Variants in SPAG17 observed in about 807,000 individuals in gnomAD.
The protein encoded by SPAG17 is sperm associated antigen 17, also known as sperm-associated antigen 17.
Under a neutral mutation model 273.6 loss-of-function variants are expected in SPAG17, and 169 were observed. The observed-to-expected ratio is 0.62, with a 90% CI of 0.55 to 0.70. The LOEUF (loss-of-function observed/expected upper bound fraction) is 0.70, where lower values mean the gene tolerates loss of function less well. Among genes scored for constraint, SPAG17 ranks in the 30% least tolerant of loss-of-function variants. The pLI is 0.00. For synonymous variants in SPAG17, 825 were observed against 873.2 expected (o/e 0.94, Z 0.97); for missense variants, 2,557 against 2,627.8 (o/e 0.97, Z 0.59).
intron 8 of SPAG17, among the ~76,000 whole-genome samples, chr1:118,092,474 T>C (rs1219601517): frequency 6.6e-6 from 1 of 152,238 alleles, no homozygotes; most frequent in African/African-American, 2.4e-5. Context: ...CTGGGATCAC[T>C]GAACTACCCT....
Position 117,963,831 on chromosome 1 carries a change from C to T in SPAG17, c.6640G>A (p.Val2214Ile), listed in dbSNP as rs756513077. Residue 2214 changes from valine (V) to isoleucine (I), a missense_variant, in exon 48 of 49, where the codon GTC (valine) becomes ATC (isoleucine). By Grantham distance (29) the Val-to-Ile change is conservative (BLOSUM62 3). Coordinates refer to ENST00000336338, the MANE Select transcript of SPAG17 (RefSeq NM_206996.4). The stretch of plus-strand genomic sequence containing the variant: ...GGAGAAACTTTACGAGACATGAAGA[C>T]TCCAAGTGTGGAGGAATAAATTGTA... The part of the protein sequence containing the change: ...TSTIYSSTLG[V>I]FMSRKVSPH 4 of 1,613,684 alleles carry T rather than the reference C, an allele frequency of 2.5e-6. No homozygotes were observed. The African/African-American group carries it at 4.0e-5, about 16-fold the overall frequency.
intron 3 of SPAG17, among the ~76,000 whole-genome samples, chr1:118,149,741 TAAAGTGCAAACAAGTTCGTCTTAG>T (rs1659269832): frequency 6.6e-6 from 1 of 152,194 alleles, no homozygotes; most frequent in African/African-American, 2.4e-5. Flanking sequence ...ATCACTGAAA[TAAAGTGCAAACAAGTTCGTCTTAG>T]AAAGATTCAA....
chr1:118,056,049 T>C, intron 18 of SPAG17, 135 bp from the exon 19 acceptor site: 1 of 631,346 alleles, frequency 1.6e-6, no homozygotes, highest in Non-Finnish European at 2.6e-6. Flanking sequence ...ATGTATTTTG[T>C]ACAAAATAGT....
intron 4 of SPAG17, among the ~76,000 whole-genome samples, chr1:118,109,148 CT>C (rs967820986): frequency 8.0e-4 from 116 of 144,282 alleles, no homozygotes; most frequent in Admixed American, 8.3e-4. Flanking sequence ...TCATCTTATT[CT>C]TTTTTTTTTT....
At chr1:118,024,547 G>A (rs1647509368) in intron 27 of SPAG17, among the ~76,000 whole-genome samples, 1 of 151,730 alleles carries the variant, frequency 6.6e-6, no homozygotes, top group Admixed American at 6.6e-5. Flanking sequence ...TGATTCTTGA[G>A]TGCATGGTCA....
At chr1:117,979,105 G>A (rs1270050049) in intron 43 of SPAG17, among the ~76,000 whole-genome samples, 4 of 152,030 alleles carry the variant, frequency 2.6e-5, no homozygotes, top group Admixed American at 6.6e-5. Flanking sequence ...TTGACCTCAG[G>A]TGATCCACCC....
At chr1:118,043,839 C>A (rs1004698544) in intron 20 of SPAG17, among the ~76,000 whole-genome samples, 1 of 152,166 alleles carries the variant, frequency 6.6e-6, no homozygotes, top group African/African-American at 2.4e-5. Context: ...AAAAAAGTTG[C>A]TAATGTTATT....
intron 17 of SPAG17, 37 bp from the exon 18 acceptor site, chr1:118,066,936 T>C: frequency 6.4e-7 from 1 of 1,572,054 alleles, no homozygotes; most frequent in Non-Finnish European, 8.6e-7. Context: ...GAATCTTTTT[T>C]ATTTTCCCCA....
intron 23 of SPAG17, 119 bp downstream of exon 23, chr1:118,039,173 G>C (rs1210268790): frequency 2.8e-6 from 3 of 1,060,018 alleles, no homozygotes; most frequent in African/African-American, 3.2e-5. Context: ...ATTAATAAGA[G>C]AGTGTACTGG....
At chr1:118,005,352 A>G in intron 32 of SPAG17, 62 bp downstream of exon 32, 1 of 1,359,750 alleles carries the variant, frequency 7.4e-7, no homozygotes. Flanking sequence ...GAAGCTTTGT[A>G]GTGTGAAATA....
At chr1:118,130,595 C>T (rs1658006142) in intron 3 of SPAG17, among the ~76,000 whole-genome samples, 1 of 152,122 alleles carries the variant, frequency 6.6e-6, no homozygotes, top group Non-Finnish European at 1.5e-5. Context: ...TAGTTAACTC[C>T]ATCCCCAACC....
chr1:118,028,733 A>G (rs1201120888), intron 25 of SPAG17, among the ~76,000 whole-genome samples: 1 of 152,180 alleles, frequency 6.6e-6, no homozygotes. Context: ...ATGTAGGCAT[A>G]AGGGCAGTGC....
intron 25 of SPAG17, among the ~76,000 whole-genome samples, chr1:118,031,076 C>T (rs556123587): frequency 6.6e-6 from 1 of 151,608 alleles, no homozygotes; most frequent in Admixed American, 6.6e-5. Flanking sequence ...AAAGCAGAAC[C>T]ATCTTTTGAT....
chr1:118,149,297 G>A (rs1659243811), intron 3 of SPAG17, among the ~76,000 whole-genome samples: 1 of 152,158 alleles, frequency 6.6e-6, no homozygotes, highest in Non-Finnish European at 1.5e-5. Context: ...CCACATCCAA[G>A]TCAGAATGCC....
At chr1:118,020,396 T>G (rs1333687092) in intron 28 of SPAG17, among the ~76,000 whole-genome samples, 1 of 150,850 alleles carries the variant, frequency 6.6e-6, no homozygotes, top group African/African-American at 2.4e-5. Context: ...ATCACGCCAT[T>G]GGCACTCCAG....
intron 46 of SPAG17, among the ~76,000 whole-genome samples, chr1:117,967,445 T>C (rs1396494586): frequency 1.3e-5 from 2 of 152,006 alleles, no homozygotes; most frequent in Non-Finnish European, 2.9e-5. Context: ...ACACAAAATA[T>C]ACTAACAATA....
rs557828629 is a variant in SPAG17, at chr1:118,079,875, G to A, written c.2209+1226C>T. 2.0e-5 allele frequency among the ~76,000 whole-genome samples: 3 copies of A among 151,846 alleles called. No homozygotes were observed. In the East Asian group the frequency reaches 5.8e-4, roughly 29 times the overall value. ...TTTCCTTGACCTAGGTGTTAAATTTGGTGTTGTTTAATATGTTAAATTTGG... is the reference window on the plus strand; with the variant it reads ...TTTCCTTGACCTAGGTGTTAAATTTAGTGTTGTTTAATATGTTAAATTTGG... On this transcript the variant is annotated intron_variant, in intron 15 of 48. Transcript: ENST00000336338.
At chr1:117,958,237 C>G (rs1652504370) in intron 48 of SPAG17, among the ~76,000 whole-genome samples, 1 of 152,210 alleles carries the variant, frequency 6.6e-6, no homozygotes, top group Non-Finnish European at 1.5e-5. Flanking sequence ...TTCTTATACT[C>G]TATCCAGGAT....
At position 118,034,467 on chromosome 1, in the gene SPAG17, T is replaced by A. The variant is rs528654231; in HGVS notation, c.3433+2303A>T. Among the ~76,000 whole-genome samples, 3 of 152,340 alleles carry A rather than the reference T, an allele frequency of 2.0e-5. No homozygotes were observed. The East Asian group carries it at 5.8e-4, about 29-fold the overall frequency. Reference sequence around the variant, plus strand: ...TAGCTAGAATTCCCTCCCTTCAATTTTTTGCATAGGCAATTCTCACTCACC... The same window carrying A: ...TAGCTAGAATTCCCTCCCTTCAATTATTTGCATAGGCAATTCTCACTCACC... On this transcript the variant is annotated intron_variant, in intron 24 of 48. Coordinates refer to ENST00000336338, the MANE Select transcript of SPAG17 (RefSeq NM_206996.4).
Sources: gnomAD v4.1 joint callset for allele counts (sites outside exome capture counted in the v4.1 genomes callset) on GRCh38, gnomAD v4.1.1 for gene constraint, MANE v1.5 for transcripts, NCBI Gene and HGNC (gene_info 2026-07-23, HGNC 2026-07-21) for gene names.